FLRT1: variants seen among roughly 807,000 people sequenced by gnomAD.
The protein encoded by FLRT1 is fibronectin leucine rich transmembrane protein 1.
In FLRT1, 14 loss-of-function variants were observed where a neutral mutation model predicts 30.9. That is an observed-to-expected ratio of 0.45 (90% CI 0.30 to 0.71). The LOEUF (loss-of-function observed/expected upper bound fraction) is 0.71. FLRT1 is among the 30% of genes least tolerant of loss of function. The pLI, the probability that FLRT1 is intolerant of heterozygous loss-of-function variation, is 0.08. For synonymous variants in FLRT1, 368 were observed against 430.4 expected (o/e 0.85, Z 1.80); for missense variants, 737 against 949.2 (o/e 0.78, Z 2.94).
chr11:64,086,383 C>T (rs917623040), intron 1 of FLRT1, among the ~76,000 whole-genome samples: 1 of 152,052 alleles, frequency 6.6e-6, no homozygotes, highest in Non-Finnish European at 1.5e-5. Context: ...CTTGTGACTA[C>T]CCCCGAGCTC....
chr11:64,058,812 G>C (rs533375319), intron 1 of FLRT1, among the ~76,000 whole-genome samples: 8 of 152,326 alleles, frequency 5.3e-5, no homozygotes, highest in African/African-American at 1.9e-4. Context: ...TCTCTGACGG[G>C]TGGGAGGGCG....
intron 1 of FLRT1, among the ~76,000 whole-genome samples, chr11:64,039,735 G>C (rs1302014535): frequency 6.6e-6 from 1 of 152,220 alleles, no homozygotes; most frequent in Non-Finnish European, 1.5e-5. Context: ...GGCCCCCAGA[G>C]CACTGCCGCT....
At chr11:64,066,433 C>T (rs1565216935) in intron 1 of FLRT1, among the ~76,000 whole-genome samples, 1 of 151,126 alleles carries the variant, frequency 6.6e-6, no homozygotes, top group South Asian at 2.1e-4. Flanking sequence ...GGCAACAAAG[C>T]AAGAACCCCG....
At position 64,036,768 on chromosome 11, in the gene FLRT1, C is replaced by T. The variant is rs111299783; in HGVS notation, c.-1038+609C>T. ...GGGGCTGGGGCCGTACACCTGGCGG[C>T]TGGAACGGTGAGACCATGGTGCCTG... On this transcript the variant is annotated intron_variant, in intron 1 of 2. Transcript: ENST00000682287. This position sits in a 1 kb window ranked among gnomAD's most constrained non-coding sequence, Gnocchi z 5.6. 9.6e-4 allele frequency among the ~76,000 whole-genome samples: 146 copies of T among 152,318 alleles called. No homozygotes were observed. Among genetic ancestry groups the T allele is most frequent in the African/African-American group, 3.2e-3 (134 of 41,576 alleles).
chr11:64,094,903 CTG>C (rs1408919897), intron 1 of FLRT1, among the ~76,000 whole-genome samples: 1 of 152,208 alleles, frequency 6.6e-6, no homozygotes, highest in Non-Finnish European at 1.5e-5. Flanking sequence ...CCATCTGGGC[CTG>C]TGTCCCAAGA....
At chr11:64,053,088 C>A (rs564924746) in intron 1 of FLRT1, among the ~76,000 whole-genome samples, 1 of 152,328 alleles carries the variant, frequency 6.6e-6, no homozygotes, top group East Asian at 1.9e-4. Flanking sequence ...CCCTCCAGCA[C>A]GCTGGGCCTG....
At chr11:64,094,030 C>T (rs971250777) in intron 1 of FLRT1, among the ~76,000 whole-genome samples, 8 of 152,236 alleles carry the variant, frequency 5.3e-5, no homozygotes, top group African/African-American at 1.9e-4. Flanking sequence ...GGCGCAGTGG[C>T]TTATGCCTGT....
intron 1 of FLRT1, among the ~76,000 whole-genome samples, chr11:64,086,345 T>C (rs1798368496): frequency 6.6e-6 from 1 of 151,964 alleles, no homozygotes; most frequent in Non-Finnish European, 1.5e-5. Flanking sequence ...TTCTAAGACC[T>C]GTGAATCTTA....
In FLRT1 at chr11:64,067,217, G is replaced by C. The variant is rs1191026679; in HGVS notation, c.-1038+31058G>C. On this transcript the variant is annotated intron_variant, in intron 1 of 2. Coordinates refer to ENST00000682287, the MANE Select transcript of FLRT1 (RefSeq NM_013280.5). This position sits in a 1 kb window ranked among gnomAD's most constrained non-coding sequence, Gnocchi z 4.6. ...TCCAAGGAGATGGCAGATGGGAGGG[G>C]TGGGGAGAGGCCTTGCATGGCACCC... 6.6e-6 allele frequency among the ~76,000 whole-genome samples: 1 copy of C among 152,102 alleles called. No individual in the cohort carries two copies. Among genetic ancestry groups the C allele is most frequent in the Admixed American group, 6.5e-5 (1 of 15,284 alleles).
intron 1 of FLRT1, among the ~76,000 whole-genome samples, chr11:64,063,957 G>A (rs1943950448): frequency 6.6e-6 from 1 of 152,216 alleles, no homozygotes; most frequent in South Asian, 2.1e-4. Flanking sequence ...GATAGACTAA[G>A]AGGTGACAAT....
intron 1 of FLRT1, among the ~76,000 whole-genome samples, chr11:64,097,536 G>A (rs1053830550): frequency 1.8e-4 from 27 of 152,348 alleles, no homozygotes; most frequent in African/African-American, 6.3e-4. Flanking sequence ...CCCGCCGGCC[G>A]GGCGGCACAG....
chr11:64,051,217 C>A (rs1255153235), intron 1 of FLRT1, among the ~76,000 whole-genome samples: 1 of 152,242 alleles, frequency 6.6e-6, no homozygotes, highest in Non-Finnish European at 1.5e-5. Context: ...GGTGCCAAGA[C>A]AGGATGATGT....
chr11:64,067,671 TG>T lies in FLRT1; in HGVS notation c.-1038+31516del, dbSNP rs1944029855. ...GTCCCCAAGCAGGCAGCTGGAGGGC[TG>T]GGGTGCCTGGAGCTGCCCTGCCTGC... is the stretch of plus-strand genomic sequence containing the variant. On this transcript the variant is annotated intron_variant, in intron 1 of 2. Coordinates refer to ENST00000682287, the MANE Select transcript of FLRT1 (RefSeq NM_013280.5). The surrounding 1 kb of genome is among the most constrained non-coding windows in gnomAD (Gnocchi z 4.6). 6.6e-6 allele frequency among the ~76,000 whole-genome samples: 1 copy of T among 152,162 alleles called. No homozygotes were observed. Among genetic ancestry groups the T allele is most frequent in the African/African-American group, 2.4e-5 (1 of 41,448 alleles).
chr11:64,065,762 C>A (rs1328438331), intron 1 of FLRT1, among the ~76,000 whole-genome samples: 1 of 146,360 alleles, frequency 6.8e-6, no homozygotes, highest in Non-Finnish European at 1.5e-5. Context: ...TGCACTCCAG[C>A]CTGGGCGACA....
At position 64,067,901 on chromosome 11, in the gene FLRT1, C is replaced by A. The variant is rs1007291800; in HGVS notation, c.-1038+31742C>A. Among the ~76,000 whole-genome samples the A allele has an allele frequency of 3.9e-5, 6 of 152,050 alleles. No homozygotes were observed. The highest frequency in any genetic ancestry group is 3.9e-4 in the Admixed American group (6 of 15,266). ...CTGTCCATTTAGCCAGCGGTTCGCT[C>A]GGCTTTTAGGAGGGGGCTGGCGGTG... On this transcript the variant is annotated intron_variant, in intron 1 of 2. Transcript: ENST00000682287. This position sits in a 1 kb window ranked among gnomAD's most constrained non-coding sequence, Gnocchi z 4.6.
chr11:64,085,639 T>C (rs976253074), intron 1 of FLRT1, among the ~76,000 whole-genome samples: 4 of 152,184 alleles, frequency 2.6e-5, no homozygotes, highest in African/African-American at 9.7e-5. Context: ...CCCACATGGC[T>C]GTGGGGAGGC....
chr11:64,116,098 G>A (rs934257703), intron 2 of FLRT1, 121 bp from the exon 3 acceptor site: 23 of 1,032,090 alleles, frequency 2.2e-5, no homozygotes, highest in South Asian at 5.3e-5. Context: ...ACCTCACCCC[G>A]CAGGACCGGA....
rs1402142553 is a variant in FLRT1 at position 64,067,653 on chromosome 11, A to T, written c.-1038+31494A>T. Among the ~76,000 whole-genome samples, 2 of 152,150 alleles carry T rather than the reference A, an allele frequency of 1.3e-5. No individual in the cohort carries two copies. The highest frequency in any genetic ancestry group is 4.8e-5 in the African/African-American group (2 of 41,432). On this transcript the variant is annotated intron_variant, in intron 1 of 2. Transcript: ENST00000682287. This position sits in a 1 kb window ranked among gnomAD's most constrained non-coding sequence, Gnocchi z 4.6. ...CTCCGGTGCACACACAGGGTCCCCA[A>T]GCAGGCAGCTGGAGGGCTGGGGTGC... is the stretch of plus-strand genomic sequence containing the variant.
At chr11:64,038,717 G>A (rs114212909) in intron 1 of FLRT1, among the ~76,000 whole-genome samples, 126 of 152,278 alleles carry the variant, frequency 8.3e-4, no homozygotes, top group African/African-American at 3.0e-3. Flanking sequence ...GGGTCTGGCT[G>A]TGCTGGCCCT....
Sources: allele counts gnomAD v4.1 joint callset (sites outside exome capture counted in the v4.1 genomes callset), GRCh38; gene constraint gnomAD v4.1.1; non-coding constraint Gnocchi (gnomAD v3.1); transcripts MANE v1.5; gene names NCBI Gene and HGNC (gene_info 2026-07-23, HGNC 2026-07-21).